SOS1: variants seen among roughly 807,000 people sequenced by gnomAD.
SOS1 encodes the protein son of sevenless homolog 1.
A neutral mutation model predicts 157.6 loss-of-function variants in SOS1; 25 were observed. The observed-to-expected ratio is 0.16, with a 90% CI of 0.12 to 0.22. The LOEUF (loss-of-function observed/expected upper bound fraction) is 0.22. Among genes scored for constraint, SOS1 ranks in the 10% least tolerant of loss-of-function variants. SOS1 has a pLI of 1.00. For missense variants in SOS1, 1,237 were observed against 1,599.1 expected (o/e 0.77, Z 3.86); for synonymous variants, 528 against 534.0 (o/e 0.99, Z 0.16).
intron 1 of SOS1, among the ~76,000 whole-genome samples, chr2:39,102,012 C>T (rs1026970230): frequency 1.3e-5 from 2 of 149,376 alleles, no homozygotes; most frequent in Non-Finnish European, 3.0e-5. Context: ...TCGAGACCAG[C>T]CTGACCAACA....
At chr2:39,041,211 C>A (rs1325276901) in intron 6 of SOS1, among the ~76,000 whole-genome samples, 1 of 152,130 alleles carries the variant, frequency 6.6e-6, no homozygotes, top group East Asian at 1.9e-4. Flanking sequence ...GTGCACACCA[C>A]CATCCTGGGC....
intron 21 of SOS1, among the ~76,000 whole-genome samples, chr2:38,988,940 C>CT (rs938991648): frequency 2.0e-5 from 1 of 50,708 alleles, no homozygotes; most frequent in Admixed American, 2.6e-4. Flanking sequence ...CATGCATGCT[C>CT]TTGCCTTTTT....
intron 4 of SOS1, among the ~76,000 whole-genome samples, chr2:39,056,169 C>T (rs980147174): frequency 1.3e-5 from 2 of 152,170 alleles, no homozygotes; most frequent in Non-Finnish European, 2.9e-5. Flanking sequence ...GTGGCTCATG[C>T]CTGTAATTCC....
chr2:39,123,108 C>T (rs1213896458), upstream of SOS1, among the ~76,000 whole-genome samples: 2 of 152,168 alleles, frequency 1.3e-5, no homozygotes, highest in African/African-American at 4.8e-5. Flanking sequence ...AAAACAACAA[C>T]CTGCCTAAAG....
At chr2:39,067,902 T>C (rs1002685752) in intron 1 of SOS1, 149 bp from the exon 2 acceptor site, 9 of 701,950 alleles carry the variant, frequency 1.3e-5, no homozygotes, top group Admixed American at 1.2e-4. Flanking sequence ...GCAGATCACC[T>C]GAGGTCAGGA....
intron 10 of SOS1, among the ~76,000 whole-genome samples, chr2:39,016,359 C>G (rs1263238845): frequency 6.6e-6 from 1 of 152,066 alleles, no homozygotes; most frequent in Non-Finnish European, 1.5e-5. Context: ...ACATATAATC[C>G]TTTAATAATT....
chr2:39,049,141 C>A (rs1670906622), intron 6 of SOS1, among the ~76,000 whole-genome samples: 1 of 152,174 alleles, frequency 6.6e-6, no homozygotes, highest in South Asian at 2.1e-4. Flanking sequence ...TGGTCTTGAA[C>A]TCCTGACCTC....
At chr2:39,115,570 A>C (rs1275555316) in intron 1 of SOS1, among the ~76,000 whole-genome samples, 1 of 151,264 alleles carries the variant, frequency 6.6e-6, no homozygotes, top group Non-Finnish European at 1.5e-5. Flanking sequence ...TCATGCCACC[A>C]CACCTGGCTA....
At chr2:39,061,775 T>C (rs1370154092) in intron 2 of SOS1, among the ~76,000 whole-genome samples, 1 of 152,192 alleles carries the variant, frequency 6.6e-6, no homozygotes, top group Non-Finnish European at 1.5e-5. Context: ...AATTTCAAGA[T>C]TAATAATTTT....
chr2:39,115,144 A>C (rs977069451), intron 1 of SOS1, among the ~76,000 whole-genome samples: 1 of 152,124 alleles, frequency 6.6e-6, no homozygotes, highest in African/African-American at 2.4e-5. Context: ...CTGACATACA[A>C]TAAACTGCAC....
intron 2 of SOS1, among the ~76,000 whole-genome samples, chr2:39,062,850 C>A (rs189579065): frequency 2.8e-4 from 43 of 151,914 alleles, no homozygotes; most frequent in Admixed American, 2.6e-3. Flanking sequence ...AGTTTAAATA[C>A]AGAAAATTAT....
chr2:39,050,240 A>C (rs1272713977), intron 6 of SOS1, among the ~76,000 whole-genome samples: 2 of 152,206 alleles, frequency 1.3e-5, no homozygotes, highest in Non-Finnish European at 2.9e-5. Flanking sequence ...AAACCTCAGA[A>C]TGACTCTTAA....
intron 2 of SOS1, among the ~76,000 whole-genome samples, chr2:39,059,605 C>T (rs1671332905): frequency 6.6e-6 from 1 of 151,940 alleles, no homozygotes; most frequent in Non-Finnish European, 1.5e-5. Flanking sequence ...GAGTATTCAA[C>T]TAGTATGTAA....
rs182069812 is a variant in SOS1, at chr2:39,014,731, A to G, written c.1940+34T>C. Reference sequence around the variant, plus strand: ...AGCTCAATCTCTTTTTTAACAAAAAATAATGAATTTAAATATTTTTTAAAT... The same window carrying G: ...AGCTCAATCTCTTTTTTAACAAAAAGTAATGAATTTAAATATTTTTTAAAT... On this transcript the variant is annotated intron_variant, in intron 11 of 22. Coordinates refer to ENST00000402219, the MANE Select transcript of SOS1 (RefSeq NM_005633.4). 1,561 of 1,177,678 alleles carry G rather than the reference A, an allele frequency of 1.3e-3. 18 individuals carry two copies. The African/African-American group carries it at 0.022, about 16-fold the overall frequency. 73.0% of individuals were successfully genotyped at this position (1,177,678 alleles called of 1,614,324 possible).
intron 1 of SOS1, among the ~76,000 whole-genome samples, chr2:39,079,644 G>A (rs1193191863): frequency 6.6e-6 from 1 of 151,840 alleles, no homozygotes; most frequent in Non-Finnish European, 1.5e-5. Context: ...ACAGGCACGT[G>A]CCACCATGCC....
At chr2:39,035,951 G>C (rs1572841846) in intron 6 of SOS1, among the ~76,000 whole-genome samples, 1 of 152,092 alleles carries the variant, frequency 6.6e-6, no homozygotes, top group East Asian at 1.9e-4. Flanking sequence ...AGAAGTAACA[G>C]TTCATGTCAT....
chr2:38,984,148 G>A lies in SOS1; in HGVS notation c.*1676C>T, dbSNP rs1486162783. ...CACTTCTAAAAATGTCTCTAATGGT[G>A]TGGTTAACAGAATTGCTGAAATGTT... On this transcript the variant is annotated 3_prime_UTR_variant, in exon 23 of 23. Transcript: ENST00000402219. The A allele has an allele frequency of 1.3e-5, 2 of 152,158 alleles. No individual in the cohort carries two copies. Among genetic ancestry groups the A allele is most frequent in the Non-Finnish European group, 2.9e-5 (2 of 68,020 alleles). 9.4% of individuals were successfully genotyped at this position (152,158 alleles called of 1,614,324 possible).
intron 1 of SOS1, among the ~76,000 whole-genome samples, chr2:39,091,478 T>C (rs567838258): frequency 6.6e-6 from 1 of 152,260 alleles, no homozygotes; most frequent in Non-Finnish European, 1.5e-5. Context: ...CTTAACTCTT[T>C]TCCAACTCCT....
chr2:39,063,199 T>G (rs750102391), intron 2 of SOS1, among the ~76,000 whole-genome samples: 3 of 152,138 alleles, frequency 2.0e-5, no homozygotes, highest in Admixed American at 2.0e-4. Flanking sequence ...CATAGCTTCC[T>G]GCAGCCTTGA....
Sources: gnomAD v4.1 joint callset for allele counts (sites outside exome capture counted in the v4.1 genomes callset) on GRCh38, gnomAD v4.1.1 for gene constraint, MANE v1.5 for transcripts, NCBI Gene and HGNC (gene_info 2026-07-23, HGNC 2026-07-21) for gene names.